Variants in NLGN4X observed in about 807,000 individuals in gnomAD.
The protein encoded by NLGN4X is neuroligin-4, X-linked.
Under a neutral mutation model 40.3 loss-of-function variants are expected in NLGN4X, and 3 were observed. The observed-to-expected ratio is 0.07, with a 90% confidence interval of 0.03 to 0.19. NLGN4X has a LOEUF of 0.19. Ranked by LOEUF, NLGN4X falls within the 10% of genes least tolerant of loss-of-function variation. The pLI, the probability that NLGN4X is intolerant of heterozygous loss-of-function variation, is 1.00. For missense variants in NLGN4X, 382 were observed against 708.3 expected (o/e 0.54, Z 5.23); for synonymous variants, 270 against 306.8 (o/e 0.88, Z 1.25).
chrX:5,954,606 G>GTCTCTGTCTCTGTCTC (rs1164385634), intron 3 of NLGN4X, among the ~76,000 whole-genome samples: 1 of 96,267 alleles, frequency 1.0e-5, no homozygotes, highest in Non-Finnish European at 2.1e-5. Context: ...CTCTGTCTCT[G>GTCTCTGTCTCTGTCTC]TCTCTGTCTC....
chrX:5,959,445 C>T (rs1396479038), intron 3 of NLGN4X, among the ~76,000 whole-genome samples: 1 of 111,816 alleles, frequency 8.9e-6, no homozygotes, highest in East Asian at 2.8e-4. Context: ...CATGATGTAA[C>T]TAGTAATTCC....
chrX:5,949,661 G>A (rs2034243642), intron 3 of NLGN4X, among the ~76,000 whole-genome samples: 5 of 111,903 alleles, frequency 4.5e-5, no homozygotes, highest in Non-Finnish European at 7.5e-5. Flanking sequence ...ATGAAAACTC[G>A]CATTATTTAA....
chrX:6,181,632 T>C (rs1456911607), intron 1 of NLGN4X, among the ~76,000 whole-genome samples: 2 of 111,712 alleles, frequency 1.8e-5, no homozygotes, highest in East Asian at 2.8e-4. Context: ...AAGGGCTCAG[T>C]GCTACCTCAG....
At chrX:5,908,114 A>AAG (rs1208742078) in intron 4 of NLGN4X, among the ~76,000 whole-genome samples, 6 of 102,906 alleles carry the variant, frequency 5.8e-5, no homozygotes, top group Admixed American at 1.1e-4. Context: ...GACAGAGCAA[A>AAG]AGAGAGAGAG....
chrX:6,106,452 C>T (rs1294383719), intron 2 of NLGN4X, among the ~76,000 whole-genome samples: 2 of 111,517 alleles, frequency 1.8e-5, no homozygotes, highest in Non-Finnish European at 3.8e-5. Context: ...ACAAAAAGAA[C>T]CTCCTTGCAT....
intron 2 of NLGN4X, among the ~76,000 whole-genome samples, chrX:6,065,825 T>C (rs2037899816): frequency 1.8e-5 from 2 of 112,014 alleles, no homozygotes; most frequent in South Asian, 7.4e-4. Context: ...TGATATACTA[T>C]GTTATTTTTT....
At chrX:5,975,612 C>CA (rs60917858) in intron 3 of NLGN4X, among the ~76,000 whole-genome samples, 14,076 of 53,695 alleles carry the variant, frequency 0.26, 1,205 homozygotes, top group East Asian at 0.37. Flanking sequence ...GACTCCGTTT[C>CA]AAAAAAAAAA....
At position 5,893,262 on chromosome X, in the gene NLGN4X, C is replaced by T; in HGVS notation, c.2006G>A (p.Arg669Gln). The change falls in exon 6 of 6, where the codon CGA becomes CAA. Residue 669 changes from arginine (R) to glutamine (Q), a missense_variant. Physicochemically the swap from Arg to Gln is conservative, Grantham distance 43. Around this residue, in one of 5 missense-constraint regions of NLGN4X, gnomAD observed 149 missense variants for 375.8 expected, o/e 0.40. Coordinates refer to ENST00000381095, the MANE Select transcript of NLGN4X (RefSeq NM_181332.3). ...GACACTTAATTCGGTGGAATAATCT[C>T]GTTTGGTTTCAATGAGGACAGTTGT... is the stretch of plus-strand genomic sequence containing the variant. ...EDTTVLIETK[R>Q]DYSTELSVTI... 8.3e-7 allele frequency: 1 copy of T among 1,210,776 alleles called. No individual in the cohort carries two copies. Among genetic ancestry groups the T allele is most frequent in the East Asian group, 3.0e-5 (1 of 33,792 alleles).
At chrX:6,220,981 G>A (rs779636012) in intron 1 of NLGN4X, among the ~76,000 whole-genome samples, 12 of 110,276 alleles carry the variant, frequency 1.1e-4, no homozygotes, top group East Asian at 2.9e-4. Context: ...CAGGTGATTC[G>A]CCCACCTCAG....
Position 6,029,206 on chromosome X carries a change from G to A in NLGN4X, c.625+74C>T, listed in dbSNP as rs181730025. The stretch of plus-strand genomic sequence containing the variant: ...CTGGAATAACAGGATTCAAATCCAC[G>A]AGCCCCGTCAAAACGAGAAGTGGAC... On this transcript the variant is annotated intron_variant, in intron 3 of 5. Transcript: ENST00000381095. 175 of 1,102,761 alleles carry A rather than the reference G, an allele frequency of 1.6e-4. 2 individuals carry two copies. In the African/African-American group the frequency reaches 3.0e-3, roughly 19 times the overall value. The allele number at this position is 1,102,761 out of a possible 1,213,427, so 90.9% of individuals were successfully genotyped here. A position where few individuals can be genotyped will look rare whatever the true frequency, so the allele number is the denominator to read the frequency against.
At position 6,116,391 on chromosome X, in the gene NLGN4X, C is replaced by CTTTTTTTT. The variant is rs1157468420; in HGVS notation, c.472+34596_472+34603dup. Among the ~76,000 whole-genome samples, 103 of 22,296 alleles carry CTTTTTTTT rather than the reference C, an allele frequency of 4.6e-3. 25 individuals are homozygous for CTTTTTTTT. Among genetic ancestry groups the CTTTTTTTT allele is most frequent in the Non-Finnish European group, 5.7e-3 (76 of 13,410 alleles). 19.4% of individuals were successfully genotyped at this position (22,296 alleles called of 115,157 possible). A position where few individuals can be genotyped will look rare whatever the true frequency, so the allele number is the denominator to read the frequency against. The stretch of plus-strand genomic sequence containing the variant: ...ACAAGTAGGTATTGAACCTTTCTTT[C>CTTTTTTTT]TTTTTTTTTTTTTTTTTTTTTTTTT... On this transcript the variant is annotated intron_variant, in intron 2 of 5. Transcript: ENST00000381095.
intron 3 of NLGN4X, among the ~76,000 whole-genome samples, chrX:5,963,072 G>C (rs1463373464): frequency 9.1e-6 from 1 of 109,599 alleles, no homozygotes; most frequent in Non-Finnish European, 1.9e-5. Context: ...GTAATAAGTA[G>C]AAGCCAGAAA....
chrX:5,891,580 A>G lies in NLGN4X; in HGVS notation c.*1237T>C. 3.9e-6 allele frequency: 1 copy of G among 254,070 alleles called. No homozygotes were observed. 20.9% of individuals were successfully genotyped at this position (254,070 alleles called of 1,213,427 possible). A position where few individuals can be genotyped will look rare whatever the true frequency, so the allele number is the denominator to read the frequency against. ...GAGCCGTATTTACTCCAAGGGGCAT[A>G]GCCCCACCAAAGGCAAGCTTTCTTC... On this transcript the variant is annotated 3_prime_UTR_variant, in exon 6 of 6. Coordinates refer to ENST00000381095, the MANE Select transcript of NLGN4X (RefSeq NM_181332.3).
intron 1 of NLGN4X, among the ~76,000 whole-genome samples, chrX:6,205,933 C>T (rs1383539381): frequency 8.9e-6 from 1 of 111,965 alleles, no homozygotes; most frequent in Non-Finnish European, 1.9e-5. Flanking sequence ...AGAAAACACA[C>T]GGAGCATCTC....
intron 3 of NLGN4X, among the ~76,000 whole-genome samples, chrX:5,920,261 A>G (rs1173320489): frequency 1.8e-5 from 2 of 112,571 alleles, no homozygotes; most frequent in African/African-American, 6.5e-5. Context: ...AGGAAATGTG[A>G]AAGAACGTTA....
At chrX:6,078,845 C>G (rs2038270658) in intron 2 of NLGN4X, among the ~76,000 whole-genome samples, 1 of 111,225 alleles carries the variant, frequency 9.0e-6, no homozygotes, top group African/African-American at 3.3e-5. Context: ...AAATTGTAAT[C>G]CCCACGTGTT....
chrX:6,066,207 T>C (rs1431499067), intron 2 of NLGN4X, among the ~76,000 whole-genome samples: 1 of 112,273 alleles, frequency 8.9e-6, no homozygotes, highest in Non-Finnish European at 1.9e-5. Flanking sequence ...CAGCTGCTTA[T>C]GAACATCCTC....
intron 3 of NLGN4X, among the ~76,000 whole-genome samples, chrX:5,934,558 C>T (rs2146879550): frequency 9.0e-6 from 1 of 111,321 alleles, no homozygotes; most frequent in African/African-American, 3.3e-5. Flanking sequence ...ATATATTCAT[C>T]CCTACAGCAC....
chrX:6,175,527 T>A (rs1210539207), intron 1 of NLGN4X, among the ~76,000 whole-genome samples: 1 of 109,066 alleles, frequency 9.2e-6, no homozygotes, highest in Admixed American at 1.0e-4. Context: ...AAGTAAGAAA[T>A]AGAACTAGAA....
Sources: gnomAD v4.1 joint callset for allele counts (sites outside exome capture counted in the v4.1 genomes callset) on GRCh38, gnomAD v4.1.1 for gene constraint, gnomAD v4.1.1 regional missense constraint, MANE v1.5 for transcripts, NCBI Gene and HGNC (gene_info 2026-07-23, HGNC 2026-07-21) for gene names.